The following PARP4 variants were observed in gnomAD, a reference collection of about 807,000 sequenced individuals.
PARP4 encodes poly(ADP-ribose) polymerase family member 4, also known as protein mono-ADP-ribosyltransferase PARP4.
Under a neutral mutation model 187.7 loss-of-function variants are expected in PARP4, and 120 were observed. That is an observed-to-expected ratio of 0.64 (90% confidence interval 0.55 to 0.74). The LOEUF (loss-of-function observed/expected upper bound fraction) is 0.74, where lower values mean the gene tolerates loss of function less well. PARP4 is among the 30% of genes least tolerant of loss of function. The probability of loss-of-function intolerance (pLI) is 0.00; values close to 1 mark genes in which losing one functional copy is unlikely to be tolerated. For missense variants in PARP4, 1,836 were observed against 2,070.5 expected (o/e 0.89, Z 2.20); for synonymous variants, 654 against 740.9 (o/e 0.88, Z 1.90).
At chr13:24,480,258 G>T (rs1873206560) in intron 12 of PARP4, among the ~76,000 whole-genome samples, 1 of 152,206 alleles carries the variant, frequency 6.6e-6, no homozygotes, top group African/African-American at 2.4e-5. Flanking sequence ...AATGTTTTGT[G>T]TGTTCTGACT....
At chr13:24,443,388 C>T (rs1458029274) in intron 28 of PARP4, among the ~76,000 whole-genome samples, 2 of 151,970 alleles carry the variant, frequency 1.3e-5, no homozygotes, top group African/African-American at 4.8e-5. Context: ...GTTCTCTGAG[C>T]CCTCCTCTGG....
intron 15 of PARP4, among the ~76,000 whole-genome samples, chr13:24,473,963 A>G (rs1186188136): frequency 6.6e-6 from 1 of 152,066 alleles, no homozygotes; most frequent in Non-Finnish European, 1.5e-5. Context: ...ATCTGGGCTC[A>G]TGACTTTAAA....
chr13:24,490,626 A>G (rs764520808), intron 10 of PARP4, 42 bp downstream of exon 10: 1 of 1,495,704 alleles, frequency 6.7e-7, no homozygotes, highest in South Asian at 1.2e-5. Flanking sequence ...CTCAAAGAGC[A>G]TTATATTATA....
chr13:24,446,090 A>T (rs1018574115), intron 27 of PARP4, among the ~76,000 whole-genome samples: 1 of 152,148 alleles, frequency 6.6e-6, no homozygotes, highest in Non-Finnish European at 1.5e-5. Context: ...GATATGATCT[A>T]CTCTTAGTCC....
At chr13:24,466,136 C>T (rs929583482) in intron 17 of PARP4, among the ~76,000 whole-genome samples, 2 of 152,144 alleles carry the variant, frequency 1.3e-5, no homozygotes, top group Admixed American at 1.3e-4. Flanking sequence ...TTAGTGGCTA[C>T]CATATTTAAC....
chr13:24,453,307 A>G (rs931623968), intron 23 of PARP4, among the ~76,000 whole-genome samples: 13 of 151,496 alleles, frequency 8.6e-5, no homozygotes, highest in African/African-American at 3.2e-4. Flanking sequence ...GCATTTTAAG[A>G]GAAAAAAAAC....
intron 21 of PARP4, among the ~76,000 whole-genome samples, chr13:24,455,505 A>C (rs1195078361): frequency 6.6e-5 from 9 of 136,034 alleles, no homozygotes; most frequent in African/African-American, 2.2e-4. Flanking sequence ...ATATATATAT[A>C]TCACACTATT....
chr13:24,510,339 G>A (rs1236964917), intron 1 of PARP4, among the ~76,000 whole-genome samples: 1 of 152,064 alleles, frequency 6.6e-6, no homozygotes, highest in Non-Finnish European at 1.5e-5. Context: ...CGGATCACGA[G>A]GTCAGGAGAT....
At chr13:24,483,793 A>G (rs1254785430) in intron 12 of PARP4, among the ~76,000 whole-genome samples, 1 of 151,976 alleles carries the variant, frequency 6.6e-6, no homozygotes, top group Non-Finnish European at 1.5e-5. Flanking sequence ...CGCCCAGCTA[A>G]TTTTTGTATT....
At chr13:24,511,861 TCCC>T (rs1457489223) in intron 1 of PARP4, among the ~76,000 whole-genome samples, 1 of 152,218 alleles carries the variant, frequency 6.6e-6, no homozygotes, top group Non-Finnish European at 1.5e-5. Context: ...GTAATGCACC[TCCC>T]TAATGGGTTT....
At chr13:24,499,879 G>A (rs989024020) in intron 4 of PARP4, among the ~76,000 whole-genome samples, 24 of 152,040 alleles carry the variant, frequency 1.6e-4, no homozygotes, top group African/African-American at 5.8e-4. Context: ...TAATTAACCC[G>A]ATGTTTTGGG....
rs749516798 is a variant in PARP4 at position 24,442,658 on chromosome 13, T to C, written c.3475A>G (p.Ile1159Val). 1.9e-6 allele frequency: 3 copies of C among 1,592,964 alleles called. No individual in the cohort carries two copies. The South Asian group carries it at 3.3e-5, about 18-fold the overall frequency. Residue 1159 changes from isoleucine to valine, a missense_variant, in exon 29 of 34, where the codon ATT becomes GTT. Transcript: ENST00000381989. The stretch of plus-strand genomic sequence containing the variant: ...GAGTTTTCTTTACTGAGTTTAATAA[T>C]CAGAGATTTCAAGGTTTGTTTTTTC... ...EMKKQTLKSL[I>V]IKLSKENSLI... is the part of the protein sequence containing the mutation.
intron 23 of PARP4, 100 bp downstream of exon 23, chr13:24,453,486 AG>A: frequency 1.5e-6 from 1 of 674,556 alleles, no homozygotes; most frequent in South Asian, 1.9e-5. Flanking sequence ...CCACAGGAGT[AG>A]GGGTGCTCTG....
At chr13:24,457,793 A>AAAAAAAAAAAAAAAAAAAAAAAG (rs1566000254) in intron 20 of PARP4, among the ~76,000 whole-genome samples, 2 of 148,512 alleles carry the variant, frequency 1.3e-5, no homozygotes, top group African/African-American at 5.0e-5. Flanking sequence ...AAAAAAAAAA[A>AAAAAAAAAAAAAAAAAAAAAAAG]AAAGAAAAAA....
At position 24,498,164 on chromosome 13, in the gene PARP4, GT is replaced by G; in HGVS notation, c.542del (p.Asp181AlafsTer5). 1 of 1,613,988 alleles carries G rather than the reference GT, an allele frequency of 6.2e-7. No homozygotes were observed. The highest frequency in any genetic ancestry group is 8.5e-7 in the Non-Finnish European group (1 of 1,179,954). The part of the protein sequence containing the change: ...VELQCSRDSR[D>X]CPFLISSHFL... Reference sequence around the variant, plus strand: ...AGTGTGAGGATATCAGGAAAGGACAGTCCCTGGAGTCCCGCGAACACTGAAG... The same window carrying G: ...AGTGTGAGGATATCAGGAAAGGACAGCCCTGGAGTCCCGCGAACACTGAAG... On this transcript the variant is annotated frameshift_variant, in exon 6 of 34. Coordinates refer to ENST00000381989, the MANE Select transcript of PARP4 (RefSeq NM_006437.4). LOFTEE classifies it high-confidence loss of function.
chr13:24,461,896 A>C (rs1872232532), intron 17 of PARP4, among the ~76,000 whole-genome samples: 1 of 151,828 alleles, frequency 6.6e-6, no homozygotes, highest in African/African-American at 2.4e-5. Flanking sequence ...AGAAACAGCC[A>C]CCTCCCCATG....
intron 17 of PARP4, 104 bp downstream of exon 17, chr13:24,468,920 C>T (rs1775826010): frequency 2.3e-6 from 2 of 870,918 alleles, no homozygotes; most frequent in Admixed American, 1.9e-5. Context: ...GGGCCTACAA[C>T]AGTGCAAATT....
rs1165226895 is a variant in PARP4, at chr13:24,449,809, G to A, written c.3023C>T (p.Ala1008Val). 3.8e-6 allele frequency: 6 copies of A among 1,587,298 alleles called. No individual in the cohort carries two copies. Among genetic ancestry groups the A allele is most frequent in the South Asian group, 3.3e-5 (3 of 90,122 alleles). Residue 1008 changes from alanine (A) to valine (V), a missense_variant, in exon 25 of 34, where the codon GCA becomes GTA. Physicochemically the swap from Ala to Val is moderately conservative, Grantham distance 64. Coordinates refer to ENST00000381989, the MANE Select transcript of PARP4 (RefSeq NM_006437.4). ...RLFACGIGST[A>V]NRHVLRILSQ... The stretch of plus-strand genomic sequence containing the variant: ...CAAAATCCTTAAGACGTGACGATTT[G>A]CTGTAGAACTGATCACATTTCACAT...
intron 10 of PARP4, among the ~76,000 whole-genome samples, chr13:24,489,499 G>A (rs992359404): frequency 6.6e-6 from 1 of 152,112 alleles, no homozygotes; most frequent in Non-Finnish European, 1.5e-5. Context: ...TCCCAGCTGA[G>A]GGGGGTGGCT....
Sources: gnomAD v4.1 joint callset for allele counts (sites outside exome capture counted in the v4.1 genomes callset) on GRCh38, gnomAD v4.1.1 for gene constraint, MANE v1.5 for transcripts, NCBI Gene and HGNC (gene_info 2026-07-23, HGNC 2026-07-21) for gene names.